Variants in NAV1 observed in about 807,000 individuals in gnomAD.
NAV1 encodes pore membrane and/or filament interacting like protein 3.
A neutral mutation model predicts 175.2 loss-of-function variants in NAV1; 18 were observed. That is an observed-to-expected ratio of 0.10 (90% CI 0.07 to 0.15). NAV1 has a LOEUF of 0.15. NAV1 is among the 10% of genes least tolerant of loss of function. The pLI, the probability that NAV1 is intolerant of heterozygous loss-of-function variation, is 1.00. For synonymous variants in NAV1, 897 were observed against 978.7 expected (o/e 0.92, Z 1.56); for missense variants, 1,731 against 2,436.6 (o/e 0.71, Z 6.10).
At chr1:201,574,709 C>T (rs998136033) in intron 1 of NAV1, among the ~76,000 whole-genome samples, 86 of 152,202 alleles carry the variant, frequency 5.7e-4, no homozygotes, top group African/African-American at 1.9e-3. Context: ...ATTCTGTTGC[C>T]ACTGCCAGAA....
In NAV1 at chr1:201,615,977, C is replaced by T. The variant is rs374964381; in HGVS notation, c.-32-6876C>T. Among the ~76,000 whole-genome samples the T allele has an allele frequency of 1.7e-4, 26 of 151,854 alleles. No homozygotes were observed. In the South Asian group the frequency reaches 2.7e-3, roughly 16 times the overall value. ...GCAGCTCAGCCTCTATCCCTGGGTA[C>T]GTGGGATGGAGGGACACTTGAAAAA... On this transcript the variant is annotated intron_variant, in intron 2 of 33. Coordinates refer to the NAV1 transcript ENST00000685211.
intron 2 of NAV1, among the ~76,000 whole-genome samples, chr1:201,591,631 C>T (rs610983): frequency 0.095 from 14,512 of 152,244 alleles, 895 homozygotes; most frequent in African/African-American, 0.17. Context: ...CTGGCTGGCT[C>T]TCTGGGTAGG....
chr1:201,632,578 G>C (rs1322652285), intron 2 of NAV1, among the ~76,000 whole-genome samples: 1 of 152,264 alleles, frequency 6.6e-6, no homozygotes, highest in Admixed American at 6.5e-5. Flanking sequence ...GTGTGCAGGA[G>C]GACTGGGAAA....
intron 14 of NAV1, chr1:201,794,218 C>T (rs996903613): frequency 3.6e-5 from 23 of 632,494 alleles, no homozygotes; most frequent in African/African-American, 1.3e-4. Flanking sequence ...CTGGCGCGAT[C>T]TTGGCTAACT....
chr1:201,702,672 T>TTCCCTCTCTCTCTCTC (rs1365276379), intron 1 of NAV1, among the ~76,000 whole-genome samples: 1 of 1,718 alleles, frequency 5.8e-4, no homozygotes, highest in African/African-American at 7.6e-4. Context: ...GGTATGTGAA[T>TTCCCTCTCTCTCTCTC]TCTCTCTCTC....
At chr1:201,597,475 A>G (rs943699467) in intron 2 of NAV1, among the ~76,000 whole-genome samples, 4 of 152,210 alleles carry the variant, frequency 2.6e-5, no homozygotes, top group Non-Finnish European at 5.9e-5. Flanking sequence ...ACTACAGACT[A>G]TCACATAATC....
chr1:201,657,228 T>C (rs942277950), intron 1 of NAV1, among the ~76,000 whole-genome samples: 3 of 152,206 alleles, frequency 2.0e-5, no homozygotes, highest in African/African-American at 7.2e-5. Context: ...CACTATAGCA[T>C]CATAGGCAGG....
intron 3 of NAV1, among the ~76,000 whole-genome samples, chr1:201,723,059 C>T (rs1436526103): frequency 1.3e-5 from 2 of 152,126 alleles, no homozygotes; most frequent in Middle Eastern, 3.2e-3. Flanking sequence ...TGCAGAGAGT[C>T]GAGATTGCAC....
At chr1:201,614,302 C>G (rs1558019581) in intron 2 of NAV1, among the ~76,000 whole-genome samples, 1 of 152,230 alleles carries the variant, frequency 6.6e-6, no homozygotes, top group Non-Finnish European at 1.5e-5. Context: ...AATCGCGGCC[C>G]CTTTAACAGG....
exon 7 of NAV1, chr1:201,783,716 A>G (rs1346317811): frequency 3.7e-6 from 6 of 1,614,190 alleles, no homozygotes; most frequent in Non-Finnish European, 5.1e-6. Context: ...GTCCCTCCAG[A>G]TGCCAATGAG....
chr1:201,555,504 A>G (rs989279275), intron 1 of NAV1, among the ~76,000 whole-genome samples: 2 of 152,128 alleles, frequency 1.3e-5, no homozygotes, highest in Non-Finnish European at 2.9e-5. Context: ...ACTAACAGAT[A>G]TGGGGAAGTC....
At position 201,808,432 on chromosome 1, in the gene NAV1, C is replaced by A; in HGVS notation, c.3860C>A (p.Pro1287Gln). 6.2e-7 allele frequency: 1 copy of A among 1,612,460 alleles called. No individual in the cohort carries two copies. The highest frequency in any genetic ancestry group is 8.5e-7 in the Non-Finnish European group (1 of 1,179,008). ...CTATCTTACAGGGGCCCTGCTCACCCAGCCCCCCACACTAGGCTGTTCCAT... is the reference window on the plus strand; with the variant it reads ...CTATCTTACAGGGGCCCTGCTCACCAAGCCCCCCACACTAGGCTGTTCCAT... Residue 1287 changes from proline (P) to glutamine (Q), a missense_variant, in exon 19 of 30, where the codon CCA (proline) becomes CAA (glutamine). Around this residue, in one of 13 missense-constraint regions of NAV1, gnomAD observed 146 missense variants for 176.8 expected, o/e 0.83. Transcript: ENST00000367296. This position sits in a 1 kb window ranked among gnomAD's most constrained non-coding sequence, Gnocchi z 5.5.
At chr1:201,645,839 G>T (rs929807031), upstream of NAV1, among the ~76,000 whole-genome samples, 4 of 152,234 alleles carry the variant, frequency 2.6e-5, no homozygotes, top group African/African-American at 9.6e-5. Context: ...AATAGGTGTT[G>T]TCGGATTCTC....
intron 1 of NAV1, among the ~76,000 whole-genome samples, chr1:201,556,311 G>C (rs1382335517): frequency 6.6e-6 from 1 of 152,038 alleles, no homozygotes; most frequent in East Asian, 1.9e-4. Context: ...CCAGCTACTC[G>C]GGAGGCTGAG....
At chr1:201,649,012 T>C in exon 1 of NAV1, 4 of 1,613,448 alleles carry the variant, frequency 2.5e-6, no homozygotes, top group South Asian at 2.2e-5. Flanking sequence ...AGCGACGATA[T>C]GGCCAAGGCG....
At chr1:201,542,714 C>T (rs1295230195) in intron 1 of NAV1, among the ~76,000 whole-genome samples, 3 of 152,172 alleles carry the variant, frequency 2.0e-5, no homozygotes, top group African/African-American at 7.2e-5. Context: ...CACACTACCA[C>T]CCCATCAAAT....
chr1:201,733,720 C>A (rs1672966565), intron 3 of NAV1, among the ~76,000 whole-genome samples: 1 of 152,072 alleles, frequency 6.6e-6, no homozygotes, highest in South Asian at 2.1e-4. Flanking sequence ...GCTGTCCAGG[C>A]AGACAGAAGA....
intron 3 of NAV1, among the ~76,000 whole-genome samples, chr1:201,747,138 T>A (rs1216719755): frequency 6.6e-6 from 1 of 152,128 alleles, no homozygotes; most frequent in African/African-American, 2.4e-5. Flanking sequence ...AGGTAATGTA[T>A]AAAGAAATCG....
At chr1:201,605,950 G>A (rs906511373) in intron 2 of NAV1, among the ~76,000 whole-genome samples, 1 of 152,172 alleles carries the variant, frequency 6.6e-6, no homozygotes, top group African/African-American at 2.4e-5. Flanking sequence ...TTGCCTAGAG[G>A]GAGACTGCAG....
Sources: gnomAD v4.1 joint callset for allele counts (sites outside exome capture counted in the v4.1 genomes callset) on GRCh38, gnomAD v4.1.1 for gene constraint, gnomAD v4.1.1 regional missense constraint, Gnocchi (gnomAD v3.1) non-coding constraint, MANE v1.5 for transcripts, NCBI Gene and HGNC (gene_info 2026-07-23, HGNC 2026-07-21) for gene names.